PRKCA: variants seen among roughly 807,000 people sequenced by gnomAD.
The protein encoded by PRKCA is protein kinase C alpha, also known as protein kinase C alpha type.
PRKCA carries 27 observed loss-of-function variants against 87.0 expected under a neutral mutation model. That is an observed-to-expected ratio of 0.31 (90% CI 0.23 to 0.43). The LOEUF (loss-of-function observed/expected upper bound fraction) is 0.43. Among genes scored for constraint, PRKCA ranks in the 20% least tolerant of loss-of-function variants. The probability of loss-of-function intolerance (pLI) is 1.00; values close to 1 mark genes in which losing one functional copy is unlikely to be tolerated. For synonymous variants in PRKCA, 329 were observed against 311.1 expected (o/e 1.06, Z -0.61); for missense variants, 518 against 852.3 (o/e 0.61, Z 4.88).
chr17:66,602,832 C>T (rs1048392799), intron 3 of PRKCA, among the ~76,000 whole-genome samples: 6 of 152,074 alleles, frequency 3.9e-5, no homozygotes, highest in Admixed American at 1.3e-4. Context: ...GAGGAGTGTG[C>T]GCTGTGGGGG....
chr17:66,560,730 G>A (rs1024168097), intron 3 of PRKCA, among the ~76,000 whole-genome samples: 4 of 152,150 alleles, frequency 2.6e-5, no homozygotes, highest in South Asian at 2.1e-4. Flanking sequence ...CTGTATGTTC[G>A]AATCACCTGA....
At position 66,602,711 on chromosome 17, in the gene PRKCA, C is replaced by T. The variant is rs1426153777; in HGVS notation, c.289-38644C>T. 2.6e-5 allele frequency among the ~76,000 whole-genome samples: 4 copies of T among 152,134 alleles called. No individual in the cohort carries two copies. In the South Asian group the frequency reaches 6.2e-4, roughly 24 times the overall value. ...TATACAGATCTGAACATGTAGCAGGCGTGGAGCGCTCAGGTTTCACGGGTG... is the reference window on the plus strand; with the variant it reads ...TATACAGATCTGAACATGTAGCAGGTGTGGAGCGCTCAGGTTTCACGGGTG... On this transcript the variant is annotated intron_variant, in intron 3 of 16. Coordinates refer to ENST00000413366, the MANE Select transcript of PRKCA (RefSeq NM_002737.3).
chr17:66,388,680 A>G (rs1397075692), intron 2 of PRKCA, among the ~76,000 whole-genome samples: 1 of 152,142 alleles, frequency 6.6e-6, no homozygotes, highest in Non-Finnish European at 1.5e-5. Context: ...TACATGATGT[A>G]CTTACCAAAC....
chr17:66,381,010 G>C (rs55678177), intron 2 of PRKCA, among the ~76,000 whole-genome samples: 3 of 150,512 alleles, frequency 2.0e-5, no homozygotes, highest in Non-Finnish European at 4.4e-5. Context: ...CACCATCATA[G>C]CTCACTGTAG....
intron 2 of PRKCA, among the ~76,000 whole-genome samples, chr17:66,439,309 T>C (rs1295450841): frequency 6.6e-6 from 1 of 152,020 alleles, no homozygotes; most frequent in African/African-American, 2.4e-5. Context: ...GCCTCCCGAG[T>C]AGCTGGGACT....
rs777849229 is a variant in PRKCA at position 66,810,723 on chromosome 17, G to A, written c.*6686G>A. 2.2e-4 allele frequency: 33 copies of A among 152,078 alleles called. No individual in the cohort carries two copies. The highest frequency in any genetic ancestry group is 3.1e-4 in the Non-Finnish European group (21 of 67,992). The allele number at this position is 152,078 out of a possible 1,614,324, so 9.4% of individuals were successfully genotyped here. On this transcript the variant is annotated 3_prime_UTR_variant, in exon 17 of 17. Transcript: ENST00000413366. ...TTGTAGTTTGGAAGCAAGTGTGTAT[G>A]AATAAAGATAATGATCATTCCTTTG... is the stretch of plus-strand genomic sequence containing the variant.
At chr17:66,508,043 A>T (rs765103744) in intron 3 of PRKCA, among the ~76,000 whole-genome samples, 1 of 152,254 alleles carries the variant, frequency 6.6e-6, no homozygotes, top group Non-Finnish European at 1.5e-5. Context: ...ATCATGAGCC[A>T]GAACCAATCA....
intron 3 of PRKCA, among the ~76,000 whole-genome samples, chr17:66,536,467 G>C (rs1241072605): frequency 6.6e-6 from 1 of 152,216 alleles, no homozygotes; most frequent in African/African-American, 2.4e-5. Flanking sequence ...GGGAAAAGAA[G>C]GATAATGCAG....
intron 3 of PRKCA, among the ~76,000 whole-genome samples, chr17:66,633,226 C>T (rs953336418): frequency 7.9e-5 from 12 of 152,062 alleles, no homozygotes; most frequent in Admixed American, 1.3e-4. Context: ...CATGCAACCA[C>T]CCTGATCATA....
chr17:66,539,808 T>C (rs1967918587), intron 3 of PRKCA, among the ~76,000 whole-genome samples: 1 of 152,218 alleles, frequency 6.6e-6, no homozygotes, highest in South Asian at 2.1e-4. Flanking sequence ...TTTGAAGGGA[T>C]GAGTTTCCTT....
intron 8 of PRKCA, among the ~76,000 whole-genome samples, chr17:66,698,434 G>A (rs1055497641): frequency 7.9e-5 from 12 of 152,082 alleles, no homozygotes; most frequent in African/African-American, 2.7e-4. Flanking sequence ...TTTTGGAGGT[G>A]AAGAATACAG....
intron 3 of PRKCA, among the ~76,000 whole-genome samples, chr17:66,503,564 G>A (rs930375012): frequency 2.6e-5 from 4 of 152,236 alleles, no homozygotes; most frequent in South Asian, 2.1e-4. Flanking sequence ...AGCTAAAAAC[G>A]GAACCTATTG....
intron 13 of PRKCA, among the ~76,000 whole-genome samples, chr17:66,765,953 G>A (rs1440679383): frequency 1.3e-5 from 2 of 152,204 alleles, no homozygotes; most frequent in Non-Finnish European, 2.9e-5. Flanking sequence ...GACCTCCCGT[G>A]TTATCTGGTA....
chr17:66,333,988 T>C (rs1032465233), intron 2 of PRKCA, among the ~76,000 whole-genome samples: 5 of 152,288 alleles, frequency 3.3e-5, no homozygotes, highest in African/African-American at 1.2e-4. Context: ...CAGTGGCTCA[T>C]GCCTGTAATC....
At chr17:66,371,799 T>C (rs955074075) in intron 2 of PRKCA, among the ~76,000 whole-genome samples, 4 of 152,236 alleles carry the variant, frequency 2.6e-5, no homozygotes. Context: ...TCTGGCAATA[T>C]TGCCTAAAAT....
intron 2 of PRKCA, among the ~76,000 whole-genome samples, chr17:66,441,029 G>A (rs1913714166): frequency 6.6e-6 from 1 of 151,918 alleles, no homozygotes; most frequent in Non-Finnish European, 1.5e-5. Flanking sequence ...GGGCGTGGTA[G>A]CAGGCACCTG....
chr17:66,806,741 A>T lies in PRKCA; in HGVS notation c.*2704A>T, dbSNP rs1976040541. On this transcript the variant is annotated 3_prime_UTR_variant, in exon 17 of 17. Transcript: ENST00000413366. ...ACAAGTTTGTTTCTCTAGGAAACAC[A>T]TTCACTGTCTCAGCTGGCTGTTACT... The T allele has an allele frequency of 6.6e-6, 1 of 152,244 alleles. No homozygotes were observed. Among genetic ancestry groups the T allele is most frequent in the Non-Finnish European group, 1.5e-5 (1 of 68,068 alleles). The allele number at this position is 152,244 out of a possible 1,614,324, so 9.4% of individuals were successfully genotyped here.
chr17:66,452,572 G>T (rs1407036984), intron 2 of PRKCA, among the ~76,000 whole-genome samples: 1 of 152,172 alleles, frequency 6.6e-6, no homozygotes, highest in Non-Finnish European at 1.5e-5. Context: ...AACTGGCCCG[G>T]CTTGTTCCTA....
chr17:66,404,603 T>C (rs1364306624), intron 2 of PRKCA, among the ~76,000 whole-genome samples: 1 of 152,130 alleles, frequency 6.6e-6, no homozygotes, highest in Non-Finnish European at 1.5e-5. Context: ...CTGTTTGTCT[T>C]GTTAGCAACT....
Sources: gnomAD v4.1 joint callset for allele counts (sites outside exome capture counted in the v4.1 genomes callset) on GRCh38, gnomAD v4.1.1 for gene constraint, MANE v1.5 for transcripts, NCBI Gene and HGNC (gene_info 2026-07-23, HGNC 2026-07-21) for gene names.